The following VPS35L variants were observed in gnomAD, a reference collection of about 807,000 sequenced individuals.
VPS35L encodes the protein VPS35 endosomal protein-sorting factor-like.
A neutral mutation model predicts 133.0 loss-of-function variants in VPS35L; 83 were observed. The observed-to-expected ratio is 0.62, with a 90% CI of 0.52 to 0.75. The LOEUF is 0.75. Among genes scored for constraint, VPS35L ranks in the 30% least tolerant of loss-of-function variants. The pLI, the probability that VPS35L is intolerant of heterozygous loss-of-function variation, is 0.00. For missense variants in VPS35L, 1,083 were observed against 1,206.8 expected (o/e 0.90, Z 1.52); for synonymous variants, 423 against 449.9 (o/e 0.94, Z 0.76).
Position 19,699,287 on chromosome 16 carries a change from A to C in VPS35L, c.2647-215A>C, listed in dbSNP as rs1404908175. 11 of 526,070 alleles carry C rather than the reference A, an allele frequency of 2.1e-5. No individual in the cohort carries two copies. The highest frequency in any genetic ancestry group is 1.4e-4 in the South Asian group (6 of 43,108). 32.6% of individuals were successfully genotyped at this position (526,070 alleles called of 1,614,324 possible). On this transcript the variant is annotated intron_variant, in intron 29 of 30. Transcript: ENST00000417362. This position sits in a 1 kb window ranked among gnomAD's most constrained non-coding sequence, Gnocchi z 4.2. ...GCACAGAGCTTCGTCATCTTACTGA[A>C]TCCCCGCCCTTTGCAGGGGTGACCT...
chr16:19,569,499 G>A lies in VPS35L; in HGVS notation c.193G>A (p.Val65Met), dbSNP rs766144664. 13 of 1,610,590 alleles carry A rather than the reference G, an allele frequency of 8.1e-6. No homozygotes were observed. In the South Asian group the frequency reaches 1.0e-4, roughly 12 times the overall value. ...SSTSSSSSSSVVDPLSSVLDG... is the reference protein window; with the variant it reads ...SSTSSSSSSSMVDPLSSVLDG... ...CACGTCCTCCTCCTCCTCCAGCTCC[G>A]TGGTGGACCCGCTGAGCAGCGTCCT... The change falls in exon 3 of 31, where the codon GTG becomes ATG. Residue 65 changes from valine (V) to methionine (M), a missense_variant. Coordinates refer to ENST00000417362, the MANE Select transcript of VPS35L (RefSeq NM_020314.7).
chr16:19,676,337 G>A (rs1975061513), intron 27 of VPS35L, among the ~76,000 whole-genome samples: 2 of 152,200 alleles, frequency 1.3e-5, no homozygotes, highest in Admixed American at 1.3e-4. Flanking sequence ...TCTTACAAAT[G>A]TGGGAGTAAA....
At chr16:19,570,920 G>A (rs797006002) in intron 3 of VPS35L, among the ~76,000 whole-genome samples, 3 of 139,764 alleles carry the variant, frequency 2.1e-5, no homozygotes, top group African/African-American at 2.7e-5. Flanking sequence ...ACTGTCACCC[G>A]GGCCGGTGTG....
intron 7 of VPS35L, 110 bp from the exon 8 acceptor site, chr16:19,591,680 T>C (rs956141320): frequency 1.0e-5 from 8 of 768,348 alleles, no homozygotes; most frequent in African/African-American, 1.7e-5. Flanking sequence ...CCTTGGCACA[T>C]AGTAAGTATC....
Position 19,573,664 on chromosome 16 carries a change from T to G in VPS35L, c.408+423T>G, listed in dbSNP as rs551234339. 9.2e-5 allele frequency among the ~76,000 whole-genome samples: 14 copies of G among 152,054 alleles called. No individual in the cohort carries two copies. In the East Asian group the frequency reaches 2.7e-3, roughly 30 times the overall value. On this transcript the variant is annotated intron_variant, in intron 4 of 30. Coordinates refer to ENST00000417362, the MANE Select transcript of VPS35L (RefSeq NM_020314.7). ...TGAAACCCCATCTCTACTAAAAAAA[T>G]TAGCCAGGCGTGGTGGCGGGCACCT... is the stretch of plus-strand genomic sequence containing the variant.
At chr16:19,646,605 C>T (rs1211136074) in intron 23 of VPS35L, among the ~76,000 whole-genome samples, 3 of 151,286 alleles carry the variant, frequency 2.0e-5, no homozygotes, top group East Asian at 1.9e-4. Flanking sequence ...GCAGAGGTTG[C>T]GGTGAGCCAA....
intron 8 of VPS35L, among the ~76,000 whole-genome samples, chr16:19,597,972 G>A (rs1282279865): frequency 6.6e-6 from 1 of 152,216 alleles, no homozygotes; most frequent in East Asian, 1.9e-4. Flanking sequence ...CTGTGCCAGG[G>A]ATGCAGGCTA....
chr16:19,689,040 CTTT>C lies in VPS35L; in HGVS notation c.2528-2298_2528-2296del, dbSNP rs766276644. ...AGCGCCCCCTTACCCGGTGTCTCTT[CTTT>C]TTTTTTTTTTTTTTGAGATGGAGTC... On this transcript the variant is annotated intron_variant, in intron 28 of 30. Transcript: ENST00000417362. Among the ~76,000 whole-genome samples the C allele has an allele frequency of 8.2e-4, 110 of 134,614 alleles. 1 individual carries two copies. Among genetic ancestry groups the C allele is most frequent in the Admixed American group, 1.4e-3 (18 of 13,118 alleles). The allele number at this position is 134,614 out of a possible 152,430, so 88.3% of individuals were successfully genotyped here. A position where few individuals can be genotyped will look rare whatever the true frequency, so the allele number is the denominator to read the frequency against.
At chr16:19,619,898 T>C (rs1973021715) in intron 14 of VPS35L, among the ~76,000 whole-genome samples, 1 of 152,248 alleles carries the variant, frequency 6.6e-6, no homozygotes, top group Non-Finnish European at 1.5e-5. Context: ...TAATGGCCGC[T>C]ATGAGTCACC....
chr16:19,645,156 G>A (rs1185594277), intron 23 of VPS35L, among the ~76,000 whole-genome samples: 1 of 152,126 alleles, frequency 6.6e-6, no homozygotes, highest in Non-Finnish European at 1.5e-5. Context: ...AAAAAGGTGG[G>A]GGGCGGGAGG....
intron 27 of VPS35L, among the ~76,000 whole-genome samples, chr16:19,673,775 C>G (rs1974955654): frequency 3.3e-5 from 5 of 152,138 alleles, no homozygotes; most frequent in Non-Finnish European, 7.3e-5. Flanking sequence ...ACCCAAGCCC[C>G]CCAAGGTAGG....
chr16:19,666,066 G>A (rs1974653859), intron 26 of VPS35L, among the ~76,000 whole-genome samples: 1 of 151,456 alleles, frequency 6.6e-6, no homozygotes, highest in African/African-American at 2.4e-5. Flanking sequence ...AGCTCCTTAT[G>A]TTCTGGTTAT....
At position 19,595,266 on chromosome 16, in the gene VPS35L, C is replaced by T. The variant is rs1972174926; in HGVS notation, c.724+3392C>T. On this transcript the variant is annotated intron_variant, in intron 8 of 30. Coordinates refer to ENST00000417362, the MANE Select transcript of VPS35L (RefSeq NM_020314.7). ...TAGACTGTAGGGCGGGGGTAGAGCC[C>T]GGAGCCTGTGGCAGCACTTGCGGTG... Among the ~76,000 whole-genome samples the T allele has an allele frequency of 3.9e-5, 6 of 152,120 alleles. No homozygotes were observed. In the South Asian group the frequency reaches 1.0e-3, roughly 26 times the overall value.
chr16:19,699,047 G>A lies in VPS35L; in HGVS notation c.2647-455G>A, dbSNP rs1030428215. Among the ~76,000 whole-genome samples the A allele has an allele frequency of 6.6e-6, 1 of 152,188 alleles. No homozygotes were observed. Among genetic ancestry groups the A allele is most frequent in the Admixed American group, 6.5e-5 (1 of 15,280 alleles). On this transcript the variant is annotated intron_variant, in intron 29 of 30. Transcript: ENST00000417362. This position sits in a 1 kb window ranked among gnomAD's most constrained non-coding sequence, Gnocchi z 4.2. The stretch of plus-strand genomic sequence containing the variant: ...GATTGGGGAGCTCAGTTCGGGAGAT[G>A]TGTTTTGGTCTTTATTACCGGCAGC...
chr16:19,629,683 A>C, intron 17 of VPS35L, 84 bp from the exon 18 acceptor site: 1 of 1,247,604 alleles, frequency 8.0e-7, no homozygotes, highest in African/African-American at 1.5e-5. Context: ...CCAACCATTG[A>C]ACAGAGCCAG....
At chr16:19,687,869 T>C (rs1307423150) in intron 28 of VPS35L, among the ~76,000 whole-genome samples, 1 of 151,868 alleles carries the variant, frequency 6.6e-6, no homozygotes, top group Non-Finnish European at 1.5e-5. Context: ...TTCCAGCACT[T>C]TGGGAGGCCA....
At chr16:19,631,435 G>C (rs1973453448) in intron 18 of VPS35L, among the ~76,000 whole-genome samples, 1 of 152,110 alleles carries the variant, frequency 6.6e-6, no homozygotes, top group South Asian at 2.1e-4. Flanking sequence ...CACCAAAATT[G>C]ATGTTGCCTC....
At position 19,650,330 on chromosome 16, in the gene VPS35L, AT is replaced by A. The variant is rs1330080014; in HGVS notation, c.2029-51del. 6 of 1,387,512 alleles carry A rather than the reference AT, an allele frequency of 4.3e-6. No homozygotes were observed. In the African/African-American group the frequency reaches 7.1e-5, roughly 16 times the overall value. The allele number at this position is 1,387,512 out of a possible 1,614,324, so 86.0% of individuals were successfully genotyped here. On this transcript the variant is annotated intron_variant, in intron 24 of 30. Coordinates refer to ENST00000417362, the MANE Select transcript of VPS35L (RefSeq NM_020314.7). ...GTTGAGATCTCTATGGAAGACACTC[AT>A]CTGAATCGGCCATCGCTTCATTACC...
intron 21 of VPS35L, among the ~76,000 whole-genome samples, 171 bp downstream of exon 21, chr16:19,640,271 A>G (rs1043258878): frequency 3.3e-5 from 5 of 151,924 alleles, no homozygotes; most frequent in Admixed American, 3.3e-4. Context: ...AAAAGTTTGT[A>G]ATTCGTGTTT....
Sources: allele counts gnomAD v4.1 joint callset (sites outside exome capture counted in the v4.1 genomes callset), GRCh38; gene constraint gnomAD v4.1.1; non-coding constraint Gnocchi (gnomAD v3.1); transcripts MANE v1.5; gene names NCBI Gene and HGNC (gene_info 2026-07-23, HGNC 2026-07-21).